ERBB4: variants seen among roughly 807,000 people sequenced by gnomAD.
ERBB4 encodes the protein receptor tyrosine-protein kinase erbB-4.
ERBB4 carries 42 observed loss-of-function variants against 158.0 expected under a neutral mutation model. The observed-to-expected ratio is 0.27, with a 90% confidence interval of 0.21 to 0.34. The LOEUF is 0.34. ERBB4 is among the 10% of genes least tolerant of loss of function. The probability of loss-of-function intolerance (pLI) is 1.00; values close to 1 mark genes in which losing one functional copy is unlikely to be tolerated. For synonymous variants in ERBB4, 583 were observed against 558.7 expected, an observed-to-expected ratio of 1.04 and a Z score of -0.61; for missense variants, 1,333 against 1,624.1, an observed-to-expected ratio of 0.82 and a Z score of 3.08.
chr2:212,517,243 G>C (rs906264494), intron 1 of ERBB4, among the ~76,000 whole-genome samples: 4 of 152,076 alleles, frequency 2.6e-5, no homozygotes, highest in East Asian at 1.9e-4. Flanking sequence ...GTCAGAAAGA[G>C]TAGACAGCAA....
intron 1 of ERBB4, among the ~76,000 whole-genome samples, chr2:212,344,456 ATATATATGTGTGTG>A (rs2088877252): frequency 7.0e-6 from 1 of 142,620 alleles, no homozygotes; most frequent in Admixed American, 6.8e-5. Context: ...GATAGCTACC[ATATATATGTGTGTG>A]TATATATGTG....
intron 1 of ERBB4, among the ~76,000 whole-genome samples, chr2:212,339,554 G>A (rs1004937572): frequency 5.3e-5 from 8 of 152,066 alleles, no homozygotes; most frequent in South Asian, 2.1e-4. Flanking sequence ...AAAAAGTCAC[G>A]CATCCCACCA....
intron 3 of ERBB4, among the ~76,000 whole-genome samples, chr2:211,809,173 G>A (rs1005720599): frequency 2.0e-5 from 3 of 152,150 alleles, no homozygotes; most frequent in African/African-American, 7.2e-5. Context: ...TGTTGAATAG[G>A]AGTGGTGAGA....
chr2:211,481,383 G>A (rs943731298), intron 20 of ERBB4, among the ~76,000 whole-genome samples: 4 of 151,986 alleles, frequency 2.6e-5, no homozygotes, highest in African/African-American at 7.2e-5. Flanking sequence ...TTCTGCATTC[G>A]TTTCTGAATT....
intron 2 of ERBB4, among the ~76,000 whole-genome samples, chr2:212,052,662 C>T (rs1418400178): frequency 6.6e-6 from 1 of 152,136 alleles, no homozygotes; most frequent in Non-Finnish European, 1.5e-5. Context: ...TCTTGAAACT[C>T]GAAACTTGTA....
intron 3 of ERBB4, among the ~76,000 whole-genome samples, chr2:211,910,740 G>A (rs78568172): frequency 0.094 from 14,202 of 151,808 alleles, 773 homozygotes; most frequent in African/African-American, 0.14. Context: ...TTAAAAAACC[G>A]TTATATTCAT....
chr2:212,013,291 C>G (rs995191685), intron 2 of ERBB4, among the ~76,000 whole-genome samples: 4 of 151,828 alleles, frequency 2.6e-5, no homozygotes, highest in Non-Finnish European at 4.4e-5. Context: ...TTTAACATTC[C>G]GAAGAAGATT....
chr2:212,102,858 A>G (rs928400315), intron 2 of ERBB4, among the ~76,000 whole-genome samples: 1 of 152,084 alleles, frequency 6.6e-6, no homozygotes, highest in African/African-American at 2.4e-5. Flanking sequence ...TCTATTTCCA[A>G]AACACATCTC....
intron 1 of ERBB4, among the ~76,000 whole-genome samples, chr2:212,246,621 G>A (rs1239193287): frequency 6.6e-6 from 1 of 152,122 alleles, no homozygotes; most frequent in Non-Finnish European, 1.5e-5. Flanking sequence ...AATAAGTGGT[G>A]TGCAGAAGAT....
chr2:212,234,465 T>C (rs770710209), intron 1 of ERBB4, among the ~76,000 whole-genome samples: 2 of 152,194 alleles, frequency 1.3e-5, no homozygotes, highest in African/African-American at 4.8e-5. Context: ...GTCTTTATAA[T>C]AGAATGATTT....
chr2:212,186,305 T>TG (rs1403387396), intron 1 of ERBB4, among the ~76,000 whole-genome samples: 1 of 152,174 alleles, frequency 6.6e-6, no homozygotes, highest in African/African-American at 2.4e-5. Context: ...TAATGATGTG[T>TG]GTGCCTACAA....
chr2:211,935,186 T>C (rs939666726), intron 3 of ERBB4, among the ~76,000 whole-genome samples: 1 of 152,184 alleles, frequency 6.6e-6, no homozygotes, highest in Non-Finnish European at 1.5e-5. Flanking sequence ...AGTTTACTTA[T>C]CTTCAAAATA....
At chr2:211,438,989 A>AGTGTGTGTGT (rs58211149) in intron 20 of ERBB4, among the ~76,000 whole-genome samples, 5 of 149,084 alleles carry the variant, frequency 3.4e-5, no homozygotes, top group African/African-American at 7.3e-5. Flanking sequence ...AATATATTTG[A>AGTGTGTGTGT]GTGTGTGTGT....
At chr2:212,405,226 C>A (rs1233419235) in intron 1 of ERBB4, among the ~76,000 whole-genome samples, 1 of 151,842 alleles carries the variant, frequency 6.6e-6, no homozygotes, top group Admixed American at 6.6e-5. Flanking sequence ...GGCCAACAAG[C>A]ATATGAAAAA....
chr2:211,403,597 G>A (rs995612450), intron 25 of ERBB4, among the ~76,000 whole-genome samples: 1 of 152,060 alleles, frequency 6.6e-6, no homozygotes, highest in African/African-American at 2.4e-5. Flanking sequence ...TATCTCCACT[G>A]CACTTTAACT....
At chr2:212,004,984 G>T (rs1013665339) in intron 2 of ERBB4, among the ~76,000 whole-genome samples, 8 of 151,940 alleles carry the variant, frequency 5.3e-5, no homozygotes, top group East Asian at 1.9e-4. Flanking sequence ...TCCTTCATTT[G>T]CATATTGGCT....
chr2:212,373,777 GTATATATCCACGTATATATATCCATA>G lies in ERBB4; in HGVS notation c.82+164646_82+164671del, dbSNP rs1560144956. On this transcript the variant is annotated intron_variant, in intron 1 of 27. Transcript: ENST00000342788. ...TGTATATATCCACGTATATATCCAT[GTATATATCCACGTATATATATCCATA>G]TATATATCCATGTATATATCCATAT... Among the ~76,000 whole-genome samples the G allele has an allele frequency of 3.9e-4, 27 of 69,202 alleles. 2 individuals are homozygous for G. Among genetic ancestry groups the G allele is most frequent in the African/African-American group, 1.3e-3 (22 of 17,104 alleles). 45.4% of individuals were successfully genotyped at this position (69,202 alleles called of 152,430 possible).
At chr2:211,914,319 G>A (rs1204396083) in intron 3 of ERBB4, among the ~76,000 whole-genome samples, 2 of 151,388 alleles carry the variant, frequency 1.3e-5, no homozygotes, top group Admixed American at 1.3e-4. Flanking sequence ...TATGTCCACT[G>A]GTAATTGAAG....
intron 19 of ERBB4, among the ~76,000 whole-genome samples, chr2:211,584,705 T>A (rs1008455081): frequency 5.3e-5 from 8 of 151,852 alleles, no homozygotes. Context: ...AAAGCTCACA[T>A]AGAAAAAAGT....
Sources: gnomAD v4.1 joint callset for allele counts (sites outside exome capture counted in the v4.1 genomes callset) on GRCh38, gnomAD v4.1.1 for gene constraint, MANE v1.5 for transcripts, NCBI Gene and HGNC (gene_info 2026-07-23, HGNC 2026-07-21) for gene names.